Variants in CAPN15 observed in about 807,000 individuals in gnomAD.
The protein encoded by CAPN15 is calpain-15.
CAPN15 carries 53 observed loss-of-function variants against 97.9 expected under a neutral mutation model. The observed-to-expected ratio is 0.54, with a 90% CI of 0.43 to 0.68. The LOEUF (loss-of-function observed/expected upper bound fraction) is 0.68, where lower values mean the gene tolerates loss of function less well. Among genes scored for constraint, CAPN15 ranks in the 30% least tolerant of loss-of-function variants. The probability of loss-of-function intolerance (pLI) is 0.00; values close to 1 mark genes in which losing one functional copy is unlikely to be tolerated. For synonymous variants in CAPN15, 922 were observed against 722.5 expected (o/e 1.28, Z -4.43); for missense variants, 1,592 against 1,589.8 (o/e 1.00, Z -0.02).
At position 528,268 on chromosome 16, in the gene CAPN15, A is replaced by G. The variant is rs578197590; in HGVS notation, c.-190+239A>G. ...GGGCTGGGCGATGCTTCGCAGAGGA[A>G]CCCAGAGGAAGGCGGGAAGTCGGCA... is the stretch of plus-strand genomic sequence containing the variant. On this transcript the variant is annotated intron_variant, in intron 1 of 13. Transcript: ENST00000219611. 2.9e-3 allele frequency among the ~76,000 whole-genome samples: 435 copies of G among 151,676 alleles called. 7 individuals are homozygous for G. Among genetic ancestry groups the G allele is most frequent in the African/African-American group, 0.01 (419 of 41,394 alleles).
intron 7 of CAPN15, among the ~76,000 whole-genome samples, chr16:550,831 C>CG (rs1567157111): frequency 1.1e-4 from 4 of 34,796 alleles, no homozygotes; most frequent in Non-Finnish European, 1.5e-4. Context: ...GAGGGTGCCC[C>CG]GTCGGTGATG....
In CAPN15 at chr16:545,132, G is replaced by A. The variant is rs143923774; in HGVS notation, c.-22-1685G>A. On this transcript the variant is annotated intron_variant, in intron 3 of 13. Coordinates refer to ENST00000219611, the MANE Select transcript of CAPN15 (RefSeq NM_005632.3). The stretch of plus-strand genomic sequence containing the variant: ...CAGGAGGTCAAGGCTGCAGTGAGCC[G>A]TGCGCGAGCCACTGCACCATCCTGG... 2.9e-3 allele frequency among the ~76,000 whole-genome samples: 440 copies of A among 152,094 alleles called. 3 individuals carry two copies. The highest frequency in any genetic ancestry group is 9.6e-3 in the African/African-American group (397 of 41,484).
rs201488864 is a variant in CAPN15, at chr16:547,082, G to C, written c.244G>C (p.Val82Leu). 9.9e-4 allele frequency: 1,584 copies of C among 1,595,364 alleles called. 8 individuals carry two copies. The highest frequency in any genetic ancestry group is 6.6e-3 in the South Asian group (587 of 89,268). ...TGCGCCTGGGGCTGCCTTCCTGCCA[G>C]TCCTCAACGGGGTCCTCCCCAAGCC... Reference protein sequence around the residue: ...EPAPGAAFLPVLNGVLPKPPA... With the variant: ...EPAPGAAFLPLLNGVLPKPPA... The change falls in exon 4 of 14, where the codon GTC (valine) becomes CTC (leucine). Residue 82 changes from valine (V) to leucine (L), a missense_variant. This residue lies in a region of CAPN15 where 883 missense variants were observed against 776.6 expected (regional missense o/e 1.14). Transcript: ENST00000219611.
At chr16:550,081 C>T (rs1009873694) in intron 7 of CAPN15, among the ~76,000 whole-genome samples, 8 of 131,686 alleles carry the variant, frequency 6.1e-5, no homozygotes, top group South Asian at 4.1e-4. Context: ...AGACCGATGC[C>T]GTCACCCCGG....
chr16:541,453 G>A (rs374971609), intron 3 of CAPN15, among the ~76,000 whole-genome samples: 3 of 152,208 alleles, frequency 2.0e-5, no homozygotes, highest in African/African-American at 4.8e-5. Context: ...AGGCAGGGCC[G>A]GGGAGGGGCC....
At chr16:551,721 T>C in intron 9 of CAPN15, 57 bp downstream of exon 9, 1 of 1,572,456 alleles carries the variant, frequency 6.4e-7, no homozygotes, top group Middle Eastern at 1.7e-4. Flanking sequence ...GGCCGAGTCC[T>C]TCTCTGGAGA....
intron 1 of CAPN15, among the ~76,000 whole-genome samples, chr16:531,082 T>A (rs909933622): frequency 6.6e-6 from 1 of 152,288 alleles, no homozygotes; most frequent in Non-Finnish European, 1.5e-5. Context: ...TTTTTAAATG[T>A]CACAGTGACT....
In CAPN15 at chr16:552,565, C is replaced by G. The variant is rs773019354; in HGVS notation, c.2737+35C>G. On this transcript the variant is annotated intron_variant, in intron 11 of 13. Transcript: ENST00000219611. The surrounding 1 kb of genome is among the most constrained non-coding windows in gnomAD (Gnocchi z 6.4). ...CCCTACCCCAGGCTCATGCCCCAGG[C>G]CCACGGGGAGGGCTGCGGTTCACAC... 8.3e-6 allele frequency: 13 copies of G among 1,568,702 alleles called. No homozygotes were observed. The highest frequency in any genetic ancestry group is 6.0e-6 in the Non-Finnish European group (7 of 1,160,698).
intron 3 of CAPN15, among the ~76,000 whole-genome samples, chr16:545,321 C>T (rs1481004453): frequency 6.6e-6 from 1 of 151,866 alleles, no homozygotes; most frequent in African/African-American, 2.4e-5. Context: ...AGGGTGGGGG[C>T]CCTGCCGAGG....
chr16:540,734 G>T (rs765563646), intron 3 of CAPN15, among the ~76,000 whole-genome samples: 2 of 152,200 alleles, frequency 1.3e-5, no homozygotes, highest in Non-Finnish European at 2.9e-5. Flanking sequence ...GCCAGCACTC[G>T]CTGGGCTCCG....
At chr16:549,242 G>A (rs1567154313) in intron 5 of CAPN15, 41 bp downstream of exon 5, 2 of 298,892 alleles carry the variant, frequency 6.7e-6, no homozygotes, top group Non-Finnish European at 1.3e-5. Flanking sequence ...GGGTGGGCGG[G>A]CGACCGGCCG....
In CAPN15 at chr16:535,471, T is replaced by C. The variant is rs2033637232; in HGVS notation, c.-136-558T>C. ...GGGACCGGCCAGTTGGCCCTGCTCA[T>C]TAACCACTTGTCCCCACAGGGCAGT... On this transcript the variant is annotated intron_variant, in intron 2 of 13. Transcript: ENST00000219611. The surrounding 1 kb of genome is among the most constrained non-coding windows in gnomAD (Gnocchi z 6.2). The C allele has an allele frequency of 6.5e-6, 1 of 154,172 alleles. No homozygotes were observed. Among genetic ancestry groups the C allele is most frequent in the Non-Finnish European group, 1.5e-5 (1 of 68,048 alleles). The allele number at this position is 154,172 out of a possible 1,614,324, so 9.6% of individuals were successfully genotyped here. A position where few individuals can be genotyped will look rare whatever the true frequency, so the allele number is the denominator to read the frequency against.
chr16:540,056 C>A, intron 3 of CAPN15: 1 of 983,222 alleles, frequency 1.0e-6, no homozygotes, highest in Non-Finnish European at 1.2e-6. Context: ...TTTTCTCTCT[C>A]TGTCTGTTTA....
At position 553,843 on chromosome 16, in the gene CAPN15, T is replaced by A; in HGVS notation, c.*327T>A. On this transcript the variant is annotated 3_prime_UTR_variant, in exon 14 of 14. Transcript: ENST00000219611. ...CCCTCCCTGTGGGCTCAGGGTCTCC[T>A]GCGGGCTAGGCAGCCAGGAGCTCTG... 3.9e-6 allele frequency: 1 copy of A among 259,414 alleles called. No individual in the cohort carries two copies. The allele number at this position is 259,414 out of a possible 1,614,324, so 16.1% of individuals were successfully genotyped here.
chr16:550,700 GGTCGGTGAGGGTCCCCT>G (rs1296885904), intron 7 of CAPN15, among the ~76,000 whole-genome samples: 28 of 108,662 alleles, frequency 2.6e-4, no homozygotes, highest in South Asian at 1.6e-3. Context: ...TGAGGGTCCC[GGTCGGTGAGGGTCCCCT>G]GTCGGTGAGG....
chr16:544,685 GCCCGTCGCCTCCCC>G (rs1567145870), intron 3 of CAPN15, among the ~76,000 whole-genome samples: 4 of 132,320 alleles, frequency 3.0e-5, no homozygotes, highest in East Asian at 2.3e-4. Flanking sequence ...GTAAGGAGCG[GCCCGTCGCCTCCCC>G]CACGTCGCCT....
Position 527,914 on chromosome 16 carries a change from C to T in CAPN15, c.-305C>T, listed in dbSNP as rs1008192043. On this transcript the variant is annotated 5_prime_UTR_variant, in exon 1 of 14. Coordinates refer to ENST00000219611, the MANE Select transcript of CAPN15 (RefSeq NM_005632.3). ...CAGCGCGGCCGGCGGCGAGAGGGGC[C>T]CCGCCGCTCTCCGGAGGCAGAAGTT... 9 of 146,032 alleles carry T rather than the reference C, an allele frequency of 6.2e-5. No homozygotes were observed. The highest frequency in any genetic ancestry group is 2.0e-4 in the African/African-American group (8 of 40,734). The allele number at this position is 146,032 out of a possible 1,614,324, so 9.0% of individuals were successfully genotyped here. A position where few individuals can be genotyped will look rare whatever the true frequency, so the allele number is the denominator to read the frequency against.
At position 552,779 on chromosome 16, in the gene CAPN15, G is replaced by T. The variant is rs781565188; in HGVS notation, c.2904+8G>T. The T allele has an allele frequency of 5.9e-6, 9 of 1,524,828 alleles. No homozygotes were observed. Among genetic ancestry groups the T allele is most frequent in the Non-Finnish European group, 6.2e-6 (7 of 1,132,498 alleles). The allele number at this position is 1,524,828 out of a possible 1,614,324, so 94.5% of individuals were successfully genotyped here. On this transcript the variant is annotated splice_region_variant and intron_variant, in intron 12 of 13. Transcript: ENST00000219611. The surrounding 1 kb of genome is among the most constrained non-coding windows in gnomAD (Gnocchi z 6.4). Reference sequence around the variant, plus strand: ...CGCGGAGAGCGGCACGAGGTGGGTGGGGGTCCCGGGGGAGGGTGGCGTGGG... The same window carrying T: ...CGCGGAGAGCGGCACGAGGTGGGTGTGGGTCCCGGGGGAGGGTGGCGTGGG...
At chr16:536,003 G>GGCCCCC (rs2033687116) in intron 2 of CAPN15, 26 bp from the exon 3 acceptor site, 1 of 34,082 alleles carries the variant, frequency 2.9e-5, no homozygotes, top group Non-Finnish European at 4.4e-5. Flanking sequence ...GCCCCTGCAC[G>GGCCCCC]CCCCCCCCCC....
Sources: allele counts gnomAD v4.1 joint callset (sites outside exome capture counted in the v4.1 genomes callset), GRCh38; gene constraint gnomAD v4.1.1; regional missense constraint gnomAD v4.1.1; non-coding constraint Gnocchi (gnomAD v3.1); transcripts MANE v1.5; gene names NCBI Gene and HGNC (gene_info 2026-07-23, HGNC 2026-07-21).